ASH1L: variants seen among roughly 807,000 people sequenced by gnomAD.
ASH1L encodes histone-lysine N-methyltransferase ASH1L.
In ASH1L, 23 loss-of-function variants were observed where a neutral mutation model predicts 269.0. The observed-to-expected ratio is 0.09, with a 90% confidence interval of 0.06 to 0.12. ASH1L has a LOEUF of 0.12. ASH1L is among the 10% of genes least tolerant of loss of function. The probability of loss-of-function intolerance (pLI) is 1.00; values close to 1 mark genes in which losing one functional copy is unlikely to be tolerated. For missense variants in ASH1L, 2,912 were observed against 3,567.8 expected (o/e 0.82, Z 4.68); for synonymous variants, 1,187 against 1,253.5 (o/e 0.95, Z 1.12).
chr1:155,477,991 A>C lies in ASH1L; in HGVS notation c.4879T>G (p.Leu1627Val). 6.2e-7 allele frequency: 1 copy of C among 1,614,156 alleles called. No homozygotes were observed. Among genetic ancestry groups the C allele is most frequent in the South Asian group, 1.1e-5 (1 of 91,076 alleles). The part of the protein sequence containing the change: ...SNPNSSGRKK[L>V]TDSPGLFSAQ... Reference sequence around the variant, plus strand: ...GAAAAGAGTCCAGGGCTGTCAGTTAATTTCTTCCGGCCACTGGAGTTAGGG... The same window carrying C: ...GAAAAGAGTCCAGGGCTGTCAGTTACTTTCTTCCGGCCACTGGAGTTAGGG... Residue 1627 changes from leucine (L) to valine (V), a missense_variant, in exon 3 of 28, where the codon TTA becomes GTA. Coordinates refer to ENST00000392403, the MANE Select transcript of ASH1L (RefSeq NM_018489.3).
intron 3 of ASH1L, among the ~76,000 whole-genome samples, chr1:155,461,801 G>GT (rs1463330106): frequency 2.9e-5 from 4 of 140,172 alleles, no homozygotes; most frequent in East Asian, 5.5e-4. Context: ...GGGGTTTGAG[G>GT]GTTTTTTTTT....
chr1:155,400,280 C>T (rs959132968), intron 6 of ASH1L, among the ~76,000 whole-genome samples: 13 of 150,374 alleles, frequency 8.6e-5, no homozygotes, highest in African/African-American at 2.5e-4. Context: ...TGTAGTGAGC[C>T]GAGATCGCAT....
Position 155,433,167 on chromosome 1 carries a change from G to A in ASH1L, c.5828+5160C>T, listed in dbSNP as rs779700673. The A allele has an allele frequency of 6.5e-5, 99 of 1,513,408 alleles. No individual in the cohort carries two copies. In the Admixed American group the frequency reaches 8.4e-4, roughly 13 times the overall value. The allele number at this position is 1,513,408 out of a possible 1,614,324, so 93.7% of individuals were successfully genotyped here. On this transcript the variant is annotated intron_variant, in intron 5 of 27. Coordinates refer to ENST00000392403, the MANE Select transcript of ASH1L (RefSeq NM_018489.3). ...TTTCACCAGGCCCCCAGCTTGGGGC[G>A]CCTTCCTTCCCCATGGCGGGACACC...
At chr1:155,431,899 G>T (rs989842954) in intron 5 of ASH1L, among the ~76,000 whole-genome samples, 22 of 152,262 alleles carry the variant, frequency 1.4e-4, no homozygotes, top group South Asian at 4.1e-4. Context: ...ACAGGTGTGA[G>T]CCACCACACC....
At chr1:155,410,060 G>T (rs993003194) in intron 6 of ASH1L, among the ~76,000 whole-genome samples, 2 of 151,756 alleles carry the variant, frequency 1.3e-5, no homozygotes, top group South Asian at 2.1e-4. Context: ...AGCTACTCGG[G>T]AGGCTGAGGC....
At chr1:155,446,778 C>A (rs539576860) in intron 4 of ASH1L, among the ~76,000 whole-genome samples, 281 of 152,106 alleles carry the variant, frequency 1.8e-3, no homozygotes, top group African/African-American at 6.6e-3. Flanking sequence ...CCCGCCACCG[C>A]GCCCGGCTAA....
chr1:155,400,650 G>A (rs1003233898), intron 6 of ASH1L, among the ~76,000 whole-genome samples: 1 of 152,000 alleles, frequency 6.6e-6, no homozygotes, highest in African/African-American at 2.4e-5. Flanking sequence ...ATATTCCACT[G>A]GCAGTTAAAC....
intron 5 of ASH1L, among the ~76,000 whole-genome samples, chr1:155,417,590 T>C (rs1403696529): frequency 2.0e-5 from 3 of 152,086 alleles, no homozygotes; most frequent in African/African-American, 4.8e-5. Context: ...TGTTCAACAA[T>C]AGGGGACATT....
Position 155,339,356 on chromosome 1 carries a change from G to A in ASH1L, c.8473C>T (p.Pro2825Ser). 6.2e-7 allele frequency: 1 copy of A among 1,613,688 alleles called. No homozygotes were observed. The highest frequency in any genetic ancestry group is 2.2e-5 in the East Asian group (1 of 44,876). Residue 2825 changes from proline (P) to serine (S), a missense_variant, in exon 26 of 28, where the codon CCA (proline) becomes TCA (serine). Around this residue, in one of 13 missense-constraint regions of ASH1L, gnomAD observed 179 missense variants for 293.8 expected, o/e 0.61. Transcript: ENST00000392403. The stretch of plus-strand genomic sequence containing the variant: ...CCTCCATTCCTCTTGTAGTTGTCTG[G>A]GACGTAATGAGGCTGCAGAGAAGAA... ...PKKDFSPHYV[P>S]DNYKRNGGRS...
chr1:155,515,615 G>A (rs1668449095), intron 2 of ASH1L, among the ~76,000 whole-genome samples: 1 of 151,926 alleles, frequency 6.6e-6, no homozygotes, highest in South Asian at 2.1e-4. Flanking sequence ...ATCACCTGAG[G>A]TCAGGAATTC....
chr1:155,458,250 A>AT (rs1406309804), intron 4 of ASH1L, among the ~76,000 whole-genome samples: 1 of 152,220 alleles, frequency 6.6e-6, no homozygotes, highest in African/African-American at 2.4e-5. Context: ...CATCAACTAA[A>AT]TTCAACAAAT....
chr1:155,512,164 T>C (rs905186559), intron 2 of ASH1L, among the ~76,000 whole-genome samples: 14 of 152,272 alleles, frequency 9.2e-5, no homozygotes, highest in African/African-American at 3.4e-4. Flanking sequence ...GAGAAAATAC[T>C]ATCCTTTATC....
intron 24 of ASH1L, 136 bp from the exon 25 acceptor site, chr1:155,342,238 C>T (rs4971050): frequency 0.039 from 28,916 of 741,830 alleles, 740 homozygotes; most frequent in Non-Finnish European, 0.045. Context: ...AGAGGCAGGA[C>T]AACTAAGCAT....
At position 155,478,987 on chromosome 1, in the gene ASH1L, T is replaced by C. The variant is rs1255998191; in HGVS notation, c.3883A>G (p.Ile1295Val). Residue 1295 changes from isoleucine to valine, a missense_variant, in exon 3 of 28, where the codon ATA becomes GTA. By Grantham distance (29) the Ile-to-Val change is conservative. Transcript: ENST00000392403. This position sits in a 1 kb window ranked among gnomAD's most constrained non-coding sequence, Gnocchi z 4.6. ...PDFIAELEELISRLSEIRITH... is the reference protein window; with the variant it reads ...PDFIAELEELVSRLSEIRITH... ...ATCCGAATTTCACTTAGGCGACTTA[T>C]TAGTTCCTCCAGCTCTGCAATAAAG... 7 of 1,613,558 alleles carry C rather than the reference T, an allele frequency of 4.3e-6. No individual in the cohort carries two copies. Among genetic ancestry groups the C allele is most frequent in the East Asian group, 4.5e-5 (2 of 44,896 alleles).
At chr1:155,500,694 C>T (rs958809129) in intron 2 of ASH1L, among the ~76,000 whole-genome samples, 1 of 152,108 alleles carries the variant, frequency 6.6e-6, no homozygotes, top group Non-Finnish European at 1.5e-5. Context: ...CTAGACTGGG[C>T]GTGGTGTCTC....
intron 1 of ASH1L, among the ~76,000 whole-genome samples, chr1:155,540,929 G>A (rs1357828560): frequency 1.3e-5 from 2 of 151,978 alleles, no homozygotes; most frequent in African/African-American, 4.8e-5. Context: ...CTTTCCATAT[G>A]ACTACTTCTC....
intron 5 of ASH1L, chr1:155,433,757 A>G (rs754018626): frequency 6.2e-7 from 1 of 1,604,618 alleles, no homozygotes; most frequent in East Asian, 2.2e-5. Flanking sequence ...TCTGCAGCTT[A>G]GCTTCAAGAA....
chr1:155,530,686 A>G (rs1275298297), intron 1 of ASH1L, among the ~76,000 whole-genome samples: 1 of 151,418 alleles, frequency 6.6e-6, no homozygotes, highest in East Asian at 1.9e-4. Flanking sequence ...CAGTGAGCCA[A>G]GACTGTGCCA....
At chr1:155,449,286 G>T (rs1558118745) in intron 4 of ASH1L, among the ~76,000 whole-genome samples, 2 of 152,086 alleles carry the variant, frequency 1.3e-5, no homozygotes, top group East Asian at 3.9e-4. Context: ...TTTCATTTTT[G>T]GGGATTCATC....
Sources: gnomAD v4.1 joint callset for allele counts (sites outside exome capture counted in the v4.1 genomes callset) on GRCh38, gnomAD v4.1.1 for gene constraint, gnomAD v4.1.1 regional missense constraint, Gnocchi (gnomAD v3.1) non-coding constraint, MANE v1.5 for transcripts, NCBI Gene and HGNC (gene_info 2026-07-23, HGNC 2026-07-21) for gene names.